Variants in AGBL1 observed in about 807,000 individuals in gnomAD.
AGBL1 encodes the protein AGBL carboxypeptidase 1.
AGBL1 carries 130 observed loss-of-function variants against 118.9 expected under a neutral mutation model. The observed-to-expected ratio is 1.09, with a 90% confidence interval of 0.95 to 1.26. AGBL1 has a LOEUF of 1.26. Among genes scored for constraint, AGBL1 ranks in the 50% most tolerant of loss-of-function variants. The probability of loss-of-function intolerance (pLI) is 0.00; values close to 1 mark genes in which losing one functional copy is unlikely to be tolerated. For synonymous variants in AGBL1, 555 were observed against 478.9 expected, an observed-to-expected ratio of 1.16 and a Z score of -2.08; for missense variants, 1,584 against 1,298.1, an observed-to-expected ratio of 1.22 and a Z score of -3.38.
intron 3 of AGBL1, among the ~76,000 whole-genome samples, chr15:86,154,011 T>C (rs2077153671): frequency 1.3e-5 from 2 of 152,184 alleles, no homozygotes; most frequent in African/African-American, 4.8e-5. Context: ...CCCAACTGTC[T>C]TTTATAGACA....
rs191218520 is a variant in AGBL1, at chr15:86,784,537, T to G, written c.3158+110101T>G. Among the ~76,000 whole-genome samples, 28 of 152,328 alleles carry G rather than the reference T, an allele frequency of 1.8e-4. No individual in the cohort carries two copies. The East Asian group carries it at 4.2e-3, about 23-fold the overall frequency. On this transcript the variant is annotated intron_variant, in intron 22 of 22. Coordinates refer to ENST00000614907, the MANE Select transcript of AGBL1 (RefSeq NM_001386094.1). ...TTATTTGCCCTTGGGTTCATGATTC[T>G]GCTTTCTAGGGAGTACCCCAGGTGT...
intron 18 of AGBL1, among the ~76,000 whole-genome samples, chr15:86,478,098 A>G (rs919595033): frequency 7.2e-5 from 11 of 152,174 alleles, no homozygotes; most frequent in Non-Finnish European, 1.5e-4. Flanking sequence ...AATAAGAGCT[A>G]TTTATGACAA....
chr15:86,455,900 A>G (rs1195848276), intron 18 of AGBL1, among the ~76,000 whole-genome samples: 2 of 152,268 alleles, frequency 1.3e-5, no homozygotes, highest in African/African-American at 4.8e-5. Flanking sequence ...ATTACCCTAT[A>G]CTTTCTCATC....
At chr15:86,581,165 C>G (rs1315694585) in intron 21 of AGBL1, among the ~76,000 whole-genome samples, 1 of 152,116 alleles carries the variant, frequency 6.6e-6, no homozygotes. Flanking sequence ...GGTCTTGACT[C>G]CTTGCTCATG....
At chr15:86,426,215 GT>G (rs2081864689) in intron 18 of AGBL1, among the ~76,000 whole-genome samples, 1 of 152,148 alleles carries the variant, frequency 6.6e-6, no homozygotes. Flanking sequence ...TGAAGTTAAT[GT>G]AAAAGCCCTC....
At chr15:86,146,814 A>T (rs1369188079) in intron 3 of AGBL1, among the ~76,000 whole-genome samples, 2 of 152,124 alleles carry the variant, frequency 1.3e-5, no homozygotes, top group Non-Finnish European at 2.9e-5. Context: ...TGATGAAGGG[A>T]ATGGGTTATG....
intron 22 of AGBL1, among the ~76,000 whole-genome samples, chr15:86,688,666 G>T (rs375464568): frequency 1.3e-5 from 2 of 152,224 alleles, no homozygotes; most frequent in East Asian, 3.9e-4. Flanking sequence ...CCTATGAAGT[G>T]AAATGTTCAA....
Position 86,894,057 on chromosome 15 carries a change from C to G in AGBL1, c.3159-13030C>G, listed in dbSNP as rs2347455. Among the ~76,000 whole-genome samples, 928 of 152,270 alleles carry G rather than the reference C, an allele frequency of 6.1e-3. 4 individuals carry two copies. Among genetic ancestry groups the G allele is most frequent in the Middle Eastern group, 0.017 (5 of 294 alleles). On this transcript the variant is annotated intron_variant, in intron 22 of 22. Transcript: ENST00000614907. ...TATTTTGCCCCTACACCATGACTCTCCAATACCGCCTAAAGTGACTTCACT... is the reference window on the plus strand; with the variant it reads ...TATTTTGCCCCTACACCATGACTCTGCAATACCGCCTAAAGTGACTTCACT...
At chr15:86,680,702 G>C (rs1417567092) in intron 22 of AGBL1, among the ~76,000 whole-genome samples, 1 of 150,950 alleles carries the variant, frequency 6.6e-6, no homozygotes, top group Non-Finnish European at 1.5e-5. Flanking sequence ...GAGTAGCTGG[G>C]ATTACAGGTG....
intron 18 of AGBL1, among the ~76,000 whole-genome samples, chr15:86,498,700 G>C (rs1372107665): frequency 6.6e-6 from 1 of 151,790 alleles, no homozygotes; most frequent in African/African-American, 2.4e-5. Context: ...GAATAGCAAG[G>C]CCTATTTACA....
At chr15:86,768,109 G>A (rs144223538) in intron 22 of AGBL1, among the ~76,000 whole-genome samples, 1 of 152,032 alleles carries the variant, frequency 6.6e-6, no homozygotes, top group African/African-American at 2.4e-5. Flanking sequence ...TTGCTCCACA[G>A]TGAATCTAGT....
At chr15:86,172,071 C>G (rs1247174923) in intron 5 of AGBL1, among the ~76,000 whole-genome samples, 4 of 152,152 alleles carry the variant, frequency 2.6e-5, no homozygotes, top group African/African-American at 9.7e-5. Context: ...GGATAAAAGA[C>G]TACGCATTGG....
At chr15:86,227,627 T>C (rs2078388191) in intron 6 of AGBL1, among the ~76,000 whole-genome samples, 2 of 152,252 alleles carry the variant, frequency 1.3e-5, no homozygotes, top group East Asian at 1.9e-4. Flanking sequence ...CTGATGTGTA[T>C]GTATTTGGGT....
At position 86,279,735 on chromosome 15, in the gene AGBL1, T is replaced by C. The variant is rs1366451275; in HGVS notation, c.2172T>C (p.Asp724=). ...TFAVTFPHSE[D]VCYLAYHYPY... The stretch of plus-strand genomic sequence containing the variant: ...CTGTCACCTTCCCACACAGTGAGGA[T>C]GTCTGCTACCTGGCCTACCACTATC... The change falls in exon 16 of 23, where the codon GAT becomes GAC. Residue 724 remains aspartate, a synonymous_variant. Transcript: ENST00000614907. 1 of 1,613,770 alleles carries C rather than the reference T, an allele frequency of 6.2e-7. No homozygotes were observed. Among genetic ancestry groups the C allele is most frequent in the Admixed American group, 1.7e-5 (1 of 59,996 alleles).
intron 23 of AGBL1, among the ~76,000 whole-genome samples, chr15:86,956,593 C>T (rs751848991): frequency 1.2e-4 from 19 of 152,150 alleles, no homozygotes; most frequent in African/African-American, 3.9e-4. Flanking sequence ...AGATCAGATG[C>T]GGTCCATCCA....
At chr15:86,527,914 A>G (rs2083288665) in intron 19 of AGBL1, among the ~76,000 whole-genome samples, 1 of 152,154 alleles carries the variant, frequency 6.6e-6, no homozygotes. Flanking sequence ...ATATCTGTCC[A>G]TCCACTCACC....
chr15:86,088,139 A>G (rs1045877875), intron 1 of AGBL1: 3 of 152,278 alleles, frequency 2.0e-5, no homozygotes, highest in African/African-American at 7.2e-5. Flanking sequence ...CTTTATTTGG[A>G]AAACAGTCAG....
At chr15:87,005,855 C>T (rs1003383861) in intron 24 of AGBL1, among the ~76,000 whole-genome samples, 1 of 152,164 alleles carries the variant, frequency 6.6e-6, no homozygotes. Context: ...ATGATAGTGA[C>T]ATACAGATGG....
At chr15:86,997,876 C>T (rs1299942299) in intron 24 of AGBL1, among the ~76,000 whole-genome samples, 1 of 144,322 alleles carries the variant, frequency 6.9e-6, no homozygotes, top group East Asian at 2.1e-4. Context: ...AATATATTGG[C>T]CAAACATGTG....
Sources: gnomAD v4.1 joint callset for allele counts (sites outside exome capture counted in the v4.1 genomes callset) on GRCh38, gnomAD v4.1.1 for gene constraint, MANE v1.5 for transcripts, NCBI Gene and HGNC (gene_info 2026-07-23, HGNC 2026-07-21) for gene names.